The following NELL2 variants were observed in gnomAD, a reference collection of about 807,000 sequenced individuals.
The protein encoded by NELL2 is neural EGFL like 2, also known as protein kinase C-binding protein NELL2.
NELL2 carries 41 observed loss-of-function variants against 109.6 expected under a neutral mutation model. That is an observed-to-expected ratio of 0.37 (90% confidence interval 0.29 to 0.49). The LOEUF (loss-of-function observed/expected upper bound fraction) is 0.49. Among genes scored for constraint, NELL2 ranks in the 20% least tolerant of loss-of-function variants. The pLI, the probability that NELL2 is intolerant of heterozygous loss-of-function variation, is 0.98. For missense variants in NELL2, 900 were observed against 1,008.3 expected (o/e 0.89, Z 1.45); for synonymous variants, 355 against 344.7 (o/e 1.03, Z -0.33).
chr12:44,628,023 A>G (rs1946326537), intron 13 of NELL2, among the ~76,000 whole-genome samples: 1 of 152,198 alleles, frequency 6.6e-6, no homozygotes, highest in Admixed American at 6.5e-5. Flanking sequence ...GCAAAAACCA[A>G]TGAATAAATG....
chr12:44,712,165 C>G (rs1019159710), intron 10 of NELL2, among the ~76,000 whole-genome samples: 2 of 152,024 alleles, frequency 1.3e-5, no homozygotes, highest in Non-Finnish European at 2.9e-5. Flanking sequence ...TTATGCTAAC[C>G]AATACATAAG....
chr12:44,899,333 T>C (rs949314033), intron 1 of NELL2, among the ~76,000 whole-genome samples: 17 of 151,856 alleles, frequency 1.1e-4, no homozygotes, highest in African/African-American at 4.1e-4. Flanking sequence ...AAGGTTGAAA[T>C]GAGGAAAAAA....
intron 13 of NELL2, among the ~76,000 whole-genome samples, chr12:44,629,643 T>C (rs978555197): frequency 6.6e-6 from 1 of 152,214 alleles, no homozygotes; most frequent in Admixed American, 6.5e-5. Flanking sequence ...CTGGTAATTC[T>C]GGGTTAAAAG....
intron 15 of NELL2, among the ~76,000 whole-genome samples, chr12:44,594,283 G>A (rs1944874461): frequency 6.6e-6 from 1 of 151,638 alleles, no homozygotes; most frequent in African/African-American, 2.4e-5. Context: ...AGAACTTTAA[G>A]TATAATTTTA....
intron 9 of NELL2, among the ~76,000 whole-genome samples, chr12:44,728,110 A>G (rs1939177200): frequency 6.6e-6 from 1 of 152,056 alleles, no homozygotes; most frequent in South Asian, 2.1e-4. Flanking sequence ...AATAAAAAAT[A>G]AACCCACAGA....
intron 19 of NELL2, among the ~76,000 whole-genome samples, chr12:44,519,549 C>T (rs930748220): frequency 6.6e-6 from 1 of 152,156 alleles, no homozygotes; most frequent in African/African-American, 2.4e-5. Flanking sequence ...AAGAAATATG[C>T]CCATCTTTGC....
At chr12:44,724,159 C>T (rs1182113771) in intron 9 of NELL2, among the ~76,000 whole-genome samples, 1 of 151,636 alleles carries the variant, frequency 6.6e-6, no homozygotes, top group African/African-American at 2.4e-5. Flanking sequence ...GCAAAAACCA[C>T]ATGTTCTTAC....
chr12:44,579,392 G>A (rs1234056026), intron 15 of NELL2, among the ~76,000 whole-genome samples: 1 of 152,184 alleles, frequency 6.6e-6, no homozygotes, highest in Non-Finnish European at 1.5e-5. Flanking sequence ...CCAGTTTGCT[G>A]TGCCAACAGG....
chr12:44,895,334 T>A (rs1404013055), intron 1 of NELL2, among the ~76,000 whole-genome samples: 1 of 152,144 alleles, frequency 6.6e-6, no homozygotes, highest in Non-Finnish European at 1.5e-5. Flanking sequence ...AACGCAAGAG[T>A]TGAAATGCAA....
intron 13 of NELL2, among the ~76,000 whole-genome samples, chr12:44,629,548 A>G (rs1023588105): frequency 1.3e-5 from 2 of 152,190 alleles, no homozygotes; most frequent in East Asian, 1.9e-4. Context: ...AGTCATATCT[A>G]TTAAGCCAAA....
chr12:44,715,801 A>T (rs1191212317), intron 9 of NELL2, among the ~76,000 whole-genome samples: 8 of 152,158 alleles, frequency 5.3e-5, no homozygotes, highest in African/African-American at 1.9e-4. Flanking sequence ...AACTATACAA[A>T]TTATATAAAG....
chr12:44,518,971 T>G (rs1200549375), intron 19 of NELL2, among the ~76,000 whole-genome samples: 1 of 152,222 alleles, frequency 6.6e-6, no homozygotes, highest in African/African-American at 2.4e-5. Flanking sequence ...TTGAAAGAAC[T>G]AGAAATTTGA....
chr12:44,529,595 G>T (rs1206765641), intron 16 of NELL2, among the ~76,000 whole-genome samples: 1 of 152,152 alleles, frequency 6.6e-6, no homozygotes, highest in Non-Finnish European at 1.5e-5. Context: ...TGAAAGAAAA[G>T]GCCTGTAGGA....
chr12:44,888,381 G>GTT (rs61158046), intron 1 of NELL2, among the ~76,000 whole-genome samples: 3,522 of 136,474 alleles, frequency 0.026, 162 homozygotes, highest in East Asian at 0.22. Flanking sequence ...TGAACAGTTG[G>GTT]TTTTTTTTTT....
intron 1 of NELL2, chr12:44,921,762 C>A (rs1209801649): frequency 6.6e-6 from 1 of 152,048 alleles, no homozygotes; most frequent in African/African-American, 2.4e-5. Context: ...CTCCACCCCA[C>A]CTATCATACA....
At chr12:44,704,746 T>C (rs146472294) in intron 11 of NELL2, among the ~76,000 whole-genome samples, 1 of 152,274 alleles carries the variant, frequency 6.6e-6, no homozygotes, top group Non-Finnish European at 1.5e-5. Flanking sequence ...TGGCTGGGCA[T>C]GGTGGCTCAC....
upstream of NELL2, among the ~76,000 whole-genome samples, chr12:44,880,613 T>A (rs1296185215): frequency 6.6e-6 from 1 of 151,972 alleles, no homozygotes; most frequent in East Asian, 1.9e-4. Context: ...TTTAAACAAA[T>A]AACATTTAAA....
chr12:44,732,221 C>T (rs1222033395), intron 9 of NELL2, among the ~76,000 whole-genome samples: 2 of 151,872 alleles, frequency 1.3e-5, no homozygotes, highest in East Asian at 1.9e-4. Flanking sequence ...CAAAACAATG[C>T]TAAAATTCAT....
rs975070930 is a variant in NELL2 at position 44,617,691 on chromosome 12, CAAAAAAAAAAAA to C, written c.1445-6733_1445-6722del. Among the ~76,000 whole-genome samples the C allele has an allele frequency of 9.4e-3, 210 of 22,396 alleles. 20 individuals are homozygous for C. The East Asian group carries it at 0.19, about 21-fold the overall frequency. The allele number at this position is 22,396 out of a possible 152,430, so 14.7% of individuals were successfully genotyped here. ...TGGGCGACAGAGCGAGACTCCGTCT[CAAAAAAAAAAAA>C]AAAAAAAAAAGAAAAAGCAGTTGTG... On this transcript the variant is annotated intron_variant, in intron 13 of 19. Coordinates refer to ENST00000429094, the MANE Select transcript of NELL2 (RefSeq NM_001145108.2).
Sources: allele counts gnomAD v4.1 joint callset (sites outside exome capture counted in the v4.1 genomes callset), GRCh38; gene constraint gnomAD v4.1.1; transcripts MANE v1.5; gene names NCBI Gene and HGNC (gene_info 2026-07-23, HGNC 2026-07-21).